PLXNA4: variants seen among roughly 807,000 people sequenced by gnomAD.
The protein encoded by PLXNA4 is plexin A4.
A neutral mutation model predicts 191.8 loss-of-function variants in PLXNA4; 44 were observed. The ratio of observed to expected loss-of-function variants is 0.23; its 90% CI spans 0.18 to 0.29. PLXNA4 has a LOEUF of 0.29. PLXNA4 is among the 10% of genes least tolerant of loss of function. PLXNA4 has a pLI of 1.00. For missense variants in PLXNA4, 1,800 were observed against 2,488.8 expected (o/e 0.72, Z 5.89); for synonymous variants, 1,082 against 1,009.5 (o/e 1.07, Z -1.36).
intron 21 of PLXNA4, among the ~76,000 whole-genome samples, chr7:132,170,526 GC>G (rs1266900581): frequency 6.6e-6 from 1 of 152,244 alleles, no homozygotes; most frequent in Non-Finnish European, 1.5e-5. Flanking sequence ...GCCAGAGAAA[GC>G]CTTCTTTAAC....
At chr7:132,441,263 G>T (rs1284434852) in intron 3 of PLXNA4, among the ~76,000 whole-genome samples, 1 of 152,196 alleles carries the variant, frequency 6.6e-6, no homozygotes, top group Non-Finnish European at 1.5e-5. Context: ...CGATGGGTAG[G>T]TGATTTTTAA....
intron 18 of PLXNA4, among the ~76,000 whole-genome samples, chr7:132,181,124 T>TG (rs1796687567): frequency 6.6e-6 from 1 of 152,216 alleles, no homozygotes; most frequent in Non-Finnish European, 1.5e-5. Context: ...TGCCAGTACT[T>TG]GGACTTTCAG....
At chr7:132,540,450 C>T (rs1285674336) in intron 1 of PLXNA4, among the ~76,000 whole-genome samples, 3 of 152,140 alleles carry the variant, frequency 2.0e-5, no homozygotes, top group Non-Finnish European at 2.9e-5. Context: ...TCTCCAGCTC[C>T]GTGGGCCCAG....
At chr7:132,598,092 G>A (rs529738227) in intron 2 of PLXNA4, among the ~76,000 whole-genome samples, 112 of 152,108 alleles carry the variant, frequency 7.4e-4, no homozygotes, top group Admixed American at 2.0e-3. Flanking sequence ...GAATGTCTAC[G>A]ACAAAATATA....
rs777876344 is a variant in PLXNA4, at chr7:132,164,146, G to T, written c.4496C>A (p.Thr1499Asn). 4 of 1,613,952 alleles carry T rather than the reference G, an allele frequency of 2.5e-6. No homozygotes were observed. In the South Asian group the frequency reaches 3.3e-5, roughly 13 times the overall value. The change falls in exon 24 of 32, where the codon ACC becomes AAC. Residue 1499 changes from threonine to asparagine, a missense_variant. By Grantham distance (65) the Thr-to-Asn change is moderately conservative. Transcript: ENST00000321063. ...KLIRQQIDYKTLVLSCVSPDN... is the reference protein window; with the variant it reads ...KLIRQQIDYKNLVLSCVSPDN... ...GAAACAGATGGGTGGGCTCACCAGG[G>T]TTTTGTAGTCAATCTGCTGGCGGAT...
At chr7:132,416,828 A>G (rs1327788520) in intron 3 of PLXNA4, among the ~76,000 whole-genome samples, 1 of 152,166 alleles carries the variant, frequency 6.6e-6, no homozygotes, top group East Asian at 1.9e-4. Context: ...GGAAGAGTGG[A>G]TGGATGACAC....
At position 132,510,383 on chromosome 7, in the gene PLXNA4, T is replaced by C. The variant is rs970893267; in HGVS notation, c.-86-1604A>G. Among the ~76,000 whole-genome samples, 15 of 152,150 alleles carry C rather than the reference T, an allele frequency of 9.9e-5. 1 individual carries two copies. The highest frequency in any genetic ancestry group is 2.1e-4 in the South Asian group (1 of 4,818). On this transcript the variant is annotated intron_variant, in intron 1 of 31. Transcript: ENST00000321063. ...AAGCACAGGCCTTCTCCAGTCAATATCAGAGGAGGAAGACTGGTTAGTGGA... is the reference window on the plus strand; with the variant it reads ...AAGCACAGGCCTTCTCCAGTCAATACCAGAGGAGGAAGACTGGTTAGTGGA...
chr7:132,396,435 T>C (rs1378963484), intron 3 of PLXNA4, among the ~76,000 whole-genome samples: 2 of 152,236 alleles, frequency 1.3e-5, no homozygotes, highest in Admixed American at 6.5e-5. Context: ...TTAAGTAGCA[T>C]GTCCAAGGTC....
In PLXNA4 at chr7:132,124,217, A is replaced by C. The variant is rs1791708317; in HGVS notation, c.*6262T>G. 1 of 152,258 alleles carries C rather than the reference A, an allele frequency of 6.6e-6. No individual in the cohort carries two copies. The highest frequency in any genetic ancestry group is 1.5e-5 in the Non-Finnish European group (1 of 68,048). 9.4% of individuals were successfully genotyped at this position (152,258 alleles called of 1,614,324 possible). On this transcript the variant is annotated 3_prime_UTR_variant, in exon 32 of 32. Coordinates refer to ENST00000321063, the MANE Select transcript of PLXNA4 (RefSeq NM_020911.2). Reference sequence around the variant, plus strand: ...AAATCGTTGGTTTCCGAATGGAAACAAGATTCTTTGAGGTAAGCTAGCTTT... The same window carrying C: ...AAATCGTTGGTTTCCGAATGGAAACCAGATTCTTTGAGGTAAGCTAGCTTT...
intron 1 of PLXNA4, among the ~76,000 whole-genome samples, chr7:132,561,877 CCTTCTCCTCTGCCTT>C (rs1801135992): frequency 1.4e-5 from 2 of 143,546 alleles, no homozygotes; most frequent in South Asian, 2.3e-4. Context: ...TTCTCCTCCT[CCTTCTCCTCTGCCTT>C]CTCCTTCTCC....
intron 25 of PLXNA4, 91 bp downstream of exon 25, chr7:132,159,382 T>A: frequency 6.4e-7 from 1 of 1,557,816 alleles, no homozygotes; most frequent in South Asian, 1.2e-5. Context: ...CCCTCAGATC[T>A]CTACCCCAGC....
intron 21 of PLXNA4, among the ~76,000 whole-genome samples, chr7:132,169,902 G>A (rs1206657344): frequency 6.6e-6 from 1 of 152,108 alleles, no homozygotes; most frequent in African/African-American, 2.4e-5. Flanking sequence ...CCAAGGGGGA[G>A]CTTCTGAGAA....
At chr7:132,507,378 G>T in intron 2 of PLXNA4, 128 bp downstream of exon 2, 1 of 1,035,440 alleles carries the variant, frequency 9.7e-7, no homozygotes, top group Non-Finnish European at 1.4e-6. Context: ...GAGACTCAGA[G>T]ATGGGATGGG....
At position 132,179,776 on chromosome 7, in the gene PLXNA4, C is replaced by T. The variant is rs763668879; in HGVS notation, c.3785G>A (p.Arg1262His). The T allele has an allele frequency of 3.2e-5, 51 of 1,613,982 alleles. No homozygotes were observed. In the Admixed American group the frequency reaches 7.5e-4, roughly 24 times the overall value. ...FIVAVLIAYK[R>H]KSRESDLTLK... ...CGTGAGGTCACTTTCGCGGGACTTG[C>T]GTTTATAGGCAATGAGCACGGCCAC... The change falls in exon 20 of 32, where the codon CGC becomes CAC. Residue 1262 changes from arginine to histidine, a missense_variant. By Grantham distance (29) the Arg-to-His change is conservative. Coordinates refer to ENST00000321063, the MANE Select transcript of PLXNA4 (RefSeq NM_020911.2).
At chr7:132,194,388 T>C (rs893941636) in intron 13 of PLXNA4, among the ~76,000 whole-genome samples, 2 of 152,192 alleles carry the variant, frequency 1.3e-5, no homozygotes, top group African/African-American at 4.8e-5. Flanking sequence ...GGGATCTCCT[T>C]TGAGGGAGCC....
chr7:132,415,181 G>A (rs145545059), intron 3 of PLXNA4, among the ~76,000 whole-genome samples: 26 of 152,360 alleles, frequency 1.7e-4, no homozygotes, highest in African/African-American at 6.0e-4. Context: ...CAGAGGGGAG[G>A]TCCGAAGGGA....
chr7:132,627,022 C>T (rs117288636), intron 2 of PLXNA4, among the ~76,000 whole-genome samples: 16 of 152,200 alleles, frequency 1.1e-4, no homozygotes, highest in African/African-American at 3.4e-4. Context: ...TGACTACCTG[C>T]TCTACCTTGG....
chr7:132,353,921 A>T (rs1803592896), intron 3 of PLXNA4, among the ~76,000 whole-genome samples: 1 of 152,016 alleles, frequency 6.6e-6, no homozygotes, highest in African/African-American at 2.4e-5. Flanking sequence ...CAACCCCTGA[A>T]AGTCTGAATT....
At chr7:132,389,117 T>C (rs911626700) in intron 3 of PLXNA4, among the ~76,000 whole-genome samples, 2 of 151,958 alleles carry the variant, frequency 1.3e-5, no homozygotes, top group African/African-American at 4.8e-5. Context: ...GATTGGGTTG[T>C]TTTTTTTCTT....
Sources: gnomAD v4.1 joint callset for allele counts (sites outside exome capture counted in the v4.1 genomes callset) on GRCh38, gnomAD v4.1.1 for gene constraint, MANE v1.5 for transcripts, NCBI Gene and HGNC (gene_info 2026-07-23, HGNC 2026-07-21) for gene names.